Variants in WDFY2 observed in about 807,000 individuals in gnomAD.
WDFY2 encodes the protein WD repeat and FYVE domain-containing protein 2.
Under a neutral mutation model 56.4 loss-of-function variants are expected in WDFY2, and 36 were observed. The observed-to-expected ratio is 0.64, with a 90% CI of 0.49 to 0.84. The LOEUF (loss-of-function observed/expected upper bound fraction) is 0.84. Among genes scored for constraint, WDFY2 ranks in the 40% least tolerant of loss-of-function variants. The probability of loss-of-function intolerance (pLI) is 0.00; values close to 1 mark genes in which losing one functional copy is unlikely to be tolerated. For missense variants in WDFY2, 444 were observed against 512.2 expected, an observed-to-expected ratio of 0.87 and a Z score of 1.29; for synonymous variants, 176 against 183.7, an observed-to-expected ratio of 0.96 and a Z score of 0.34.
chr13:51,737,551 T>TAA (rs67418551), intron 6 of WDFY2, among the ~76,000 whole-genome samples: 1,034 of 53,200 alleles, frequency 0.019, 38 homozygotes, highest in African/African-American at 0.04. Context: ...ACAATGAATT[T>TAA]AAAAAAAAAA....
intron 1 of WDFY2, among the ~76,000 whole-genome samples, chr13:51,647,479 G>A (rs1333205996): frequency 6.6e-6 from 1 of 152,186 alleles, no homozygotes; most frequent in Non-Finnish European, 1.5e-5. Flanking sequence ...GGGGGACTAG[G>A]TTCAGTGGCT....
intron 1 of WDFY2, among the ~76,000 whole-genome samples, chr13:51,607,623 T>C (rs1954407414): frequency 6.6e-6 from 1 of 152,124 alleles, no homozygotes; most frequent in African/African-American, 2.4e-5. Flanking sequence ...ATATAGTCTG[T>C]TGGGTTTCTA....
intron 3 of WDFY2, among the ~76,000 whole-genome samples, chr13:51,677,679 T>A (rs761516607): frequency 2.0e-5 from 3 of 152,124 alleles, no homozygotes; most frequent in Non-Finnish European, 2.9e-5. Context: ...CTTAGGCAGC[T>A]GAGTAGTGAA....
chr13:51,602,833 G>C (rs1271608656), intron 1 of WDFY2, among the ~76,000 whole-genome samples: 1 of 152,214 alleles, frequency 6.6e-6, no homozygotes. Context: ...CATCTGACCA[G>C]TGTTCATGCT....
intron 5 of WDFY2, among the ~76,000 whole-genome samples, chr13:51,727,126 A>T (rs1368782459): frequency 6.6e-6 from 1 of 152,188 alleles, no homozygotes; most frequent in African/African-American, 2.4e-5. Flanking sequence ...TTGTGCCAAC[A>T]TCATTTTTTT....
intron 4 of WDFY2, among the ~76,000 whole-genome samples, chr13:51,716,489 G>A (rs1022476012): frequency 7.3e-5 from 11 of 151,710 alleles, no homozygotes; most frequent in African/African-American, 1.4e-4. Flanking sequence ...TCAGGAGATC[G>A]AGACCATCCC....
intron 1 of WDFY2, among the ~76,000 whole-genome samples, chr13:51,593,680 A>G (rs1426818233): frequency 6.6e-6 from 1 of 151,344 alleles, no homozygotes; most frequent in Non-Finnish European, 1.5e-5. Context: ...ATTTCTAGTT[A>G]TTTTTCCTTT....
At chr13:51,720,635 C>T (rs991119159) in intron 5 of WDFY2, among the ~76,000 whole-genome samples, 1 of 152,168 alleles carries the variant, frequency 6.6e-6, no homozygotes, top group Non-Finnish European at 1.5e-5. Context: ...TCCATTCGGG[C>T]TGCTATAATA....
Position 51,682,537 on chromosome 13 carries a change from G to T in WDFY2, c.279+7294G>T, listed in dbSNP as rs375560828. On this transcript the variant is annotated intron_variant, in intron 3 of 11. Coordinates refer to ENST00000298125, the MANE Select transcript of WDFY2 (RefSeq NM_052950.4). Reference sequence around the variant, plus strand: ...TTTATTGAGTTGATATTACAAAGAGGTTCGGAGCACAAGCCCTGGTATCAG... The same window carrying T: ...TTTATTGAGTTGATATTACAAAGAGTTTCGGAGCACAAGCCCTGGTATCAG... 1.7e-4 allele frequency among the ~76,000 whole-genome samples: 26 copies of T among 152,236 alleles called. No homozygotes were observed. In the East Asian group the frequency reaches 2.3e-3, roughly 14 times the overall value.
intron 1 of WDFY2, among the ~76,000 whole-genome samples, chr13:51,608,641 A>G (rs1290093929): frequency 1.3e-5 from 2 of 152,234 alleles, no homozygotes; most frequent in Non-Finnish European, 2.9e-5. Flanking sequence ...AGCTCGCACC[A>G]CTGCATTCCA....
intron 2 of WDFY2, among the ~76,000 whole-genome samples, chr13:51,663,439 C>A (rs1474405231): frequency 6.6e-6 from 1 of 152,066 alleles, no homozygotes; most frequent in African/African-American, 2.4e-5. Context: ...CTCTTGAAAT[C>A]ATTTTGAAAT....
At chr13:51,676,204 C>T (rs1955886577) in intron 3 of WDFY2, among the ~76,000 whole-genome samples, 1 of 152,140 alleles carries the variant, frequency 6.6e-6, no homozygotes, top group South Asian at 2.1e-4. Flanking sequence ...CTAGATGTGT[C>T]CTTAGAAAGA....
intron 1 of WDFY2, among the ~76,000 whole-genome samples, chr13:51,636,755 A>G (rs1331224776): frequency 6.6e-6 from 1 of 152,246 alleles, no homozygotes; most frequent in African/African-American, 2.4e-5. Context: ...CAAATAGGTC[A>G]GTGGAACAGG....
At chr13:51,646,729 A>G (rs943994415) in intron 1 of WDFY2, among the ~76,000 whole-genome samples, 1 of 152,212 alleles carries the variant, frequency 6.6e-6, no homozygotes, top group Non-Finnish European at 1.5e-5. Context: ...TGGAAAATCC[A>G]AGTTGTCAGA....
chr13:51,745,787 A>G (rs1466601762), intron 7 of WDFY2, among the ~76,000 whole-genome samples: 1 of 144,042 alleles, frequency 6.9e-6, no homozygotes, highest in Non-Finnish European at 1.5e-5. Context: ...TTATGAGGTT[A>G]GTCCTGATTA....
intron 9 of WDFY2, 129 bp from the exon 10 acceptor site, chr13:51,756,203 G>A (rs1953375420): frequency 6.0e-6 from 8 of 1,344,060 alleles, no homozygotes; most frequent in Non-Finnish European, 8.1e-6. Context: ...CTTTAGTTCT[G>A]GGGCTCTCTT....
chr13:51,727,418 A>G (rs528257463), intron 5 of WDFY2, among the ~76,000 whole-genome samples: 1 of 152,222 alleles, frequency 6.6e-6, no homozygotes, highest in Non-Finnish European at 1.5e-5. Flanking sequence ...AGAAAACAAC[A>G]TGTGTTGATA....
intron 7 of WDFY2, among the ~76,000 whole-genome samples, chr13:51,740,535 G>GAA (rs1049140304): frequency 6.6e-6 from 1 of 152,144 alleles, no homozygotes; most frequent in African/African-American, 2.4e-5. Context: ...CCAACATGGT[G>GAA]AAACCCCGTT....
At chr13:51,756,583 C>T (rs1384692178) in intron 10 of WDFY2, 121 bp downstream of exon 10, 3 of 1,406,450 alleles carry the variant, frequency 2.1e-6, no homozygotes, top group African/African-American at 1.4e-5. Flanking sequence ...GAATATAGTC[C>T]ACGGCAAGCA....
Sources: allele counts gnomAD v4.1 joint callset (sites outside exome capture counted in the v4.1 genomes callset), GRCh38; gene constraint gnomAD v4.1.1; transcripts MANE v1.5; gene names NCBI Gene and HGNC (gene_info 2026-07-23, HGNC 2026-07-21).